Variants in RNF144B observed in about 807,000 individuals in gnomAD.
RNF144B encodes the protein E3 ubiquitin-protein ligase RNF144B.
RNF144B carries 25 observed loss-of-function variants against 40.2 expected under a neutral mutation model. The ratio of observed to expected loss-of-function variants is 0.62; its 90% confidence interval spans 0.45 to 0.87. RNF144B has a LOEUF of 0.87. Ranked by LOEUF, RNF144B falls within the 40% of genes least tolerant of loss-of-function variation. The pLI is 0.00. For missense variants in RNF144B, 365 were observed against 373.7 expected (o/e 0.98, Z 0.19); for synonymous variants, 145 against 136.3 (o/e 1.06, Z -0.44).
intron 1 of RNF144B, chr6:18,396,471 G>C (rs956198662): frequency 3.0e-6 from 3 of 983,784 alleles, no homozygotes; most frequent in African/African-American, 1.7e-5. Flanking sequence ...AGAGTACCTA[G>C]ATCTCTTGCT....
chr6:18,387,667 G>C (rs1286187830), intron 1 of RNF144B, 37 bp downstream of exon 1: 2 of 1,285,834 alleles, frequency 1.6e-6, no homozygotes, highest in Non-Finnish European at 2.0e-6. Context: ...TACAGGCGTT[G>C]CAAGACCGGA....
intron 1 of RNF144B, among the ~76,000 whole-genome samples, chr6:18,394,727 A>C (rs1460765326): frequency 6.6e-6 from 1 of 152,218 alleles, no homozygotes; most frequent in Non-Finnish European, 1.5e-5. Context: ...TCTGTGCTGA[A>C]GTATTCCCTT....
chr6:18,394,452 G>C (rs1794650735), intron 1 of RNF144B, among the ~76,000 whole-genome samples: 1 of 151,980 alleles, frequency 6.6e-6, no homozygotes, highest in Non-Finnish European at 1.5e-5. Context: ...ACAAAAATTA[G>C]CCCGGCGTGG....
chr6:18,461,663 T>A (rs1251491615), intron 6 of RNF144B, among the ~76,000 whole-genome samples: 1 of 152,230 alleles, frequency 6.6e-6, no homozygotes, highest in Non-Finnish European at 1.5e-5. Context: ...CTTCAAATAT[T>A]GAAGCATCTT....
chr6:18,458,896 TTTGGAGCA>T lies in RNF144B; in HGVS notation c.537-708_537-701del, dbSNP rs1428566961. ...TGTTGGCACTCAAAAAGTTTCAGATTTTGGAGCATTTTGGATTTCAAATTGTGGACTAG... is the reference window on the plus strand; with the variant it reads ...TGTTGGCACTCAAAAAGTTTCAGATTTTTTGGATTTCAAATTGTGGACTAG... On this transcript the variant is annotated intron_variant, in intron 5 of 7. Coordinates refer to ENST00000259939, the MANE Select transcript of RNF144B (RefSeq NM_182757.4). This position sits in a 1 kb window ranked among gnomAD's most constrained non-coding sequence, Gnocchi z 4.8. Among the ~76,000 whole-genome samples, 5 of 152,216 alleles carry T rather than the reference TTTGGAGCA, an allele frequency of 3.3e-5. No individual in the cohort carries two copies. The highest frequency in any genetic ancestry group is 7.3e-5 in the Non-Finnish European group (5 of 68,042).
In RNF144B at chr6:18,450,095, T is replaced by C. The variant is rs187239438; in HGVS notation, c.332-7060T>C. On this transcript the variant is annotated intron_variant, in intron 4 of 7. Transcript: ENST00000259939. The surrounding 1 kb of genome is among the most constrained non-coding windows in gnomAD (Gnocchi z 4.7). ...GTTTGACTGTAAGGGATAAGTCAGC[T>C]GTCACTGTTCCAGTTTTGGTTTCTC... is the stretch of plus-strand genomic sequence containing the variant. Among the ~76,000 whole-genome samples the C allele has an allele frequency of 8.7e-3, 1,331 of 152,356 alleles. 8 individuals are homozygous for C. The highest frequency in any genetic ancestry group is 0.014 in the Non-Finnish European group (975 of 68,032).
At position 18,457,222 on chromosome 6, in the gene RNF144B, C is replaced by G; in HGVS notation, c.399C>G (p.Ala133=). 1.2e-6 allele frequency: 2 copies of G among 1,614,070 alleles called. No homozygotes were observed. Among genetic ancestry groups the G allele is most frequent in the Non-Finnish European group, 1.7e-6 (2 of 1,179,972 alleles). ...ACTGTCAGACAGTGTGCCCTGTTGCCTCGAGTGACCCAGGACAGCCTGTGC... is the reference window on the plus strand; with the variant it reads ...ACTGTCAGACAGTGTGCCCTGTTGCGTCGAGTGACCCAGGACAGCCTGTGC... ...VADCQTVCPV[A]SSDPGQPVLV... Residue 133 remains alanine (A), a synonymous_variant, in exon 5 of 8, where the codon GCC becomes GCG. Transcript: ENST00000259939. This position sits in a 1 kb window ranked among gnomAD's most constrained non-coding sequence, Gnocchi z 5.1.
chr6:18,452,822 T>A (rs892957247), intron 4 of RNF144B, among the ~76,000 whole-genome samples: 1 of 152,178 alleles, frequency 6.6e-6, no homozygotes, highest in African/African-American at 2.4e-5. Context: ...TTTCTCTCTG[T>A]TACCTAGGCT....
rs1461311649 is a variant in RNF144B at position 18,464,256 on chromosome 6, A to G, written c.772-671A>G. On this transcript the variant is annotated intron_variant, in intron 7 of 7. Coordinates refer to ENST00000259939, the MANE Select transcript of RNF144B (RefSeq NM_182757.4). This position sits in a 1 kb window ranked among gnomAD's most constrained non-coding sequence, Gnocchi z 6.1. ...AGTCAGTGCTAATATCCTAGTAATC[A>G]TTAACATCCCTTTGAGCTAGTTGAG... 6.6e-6 allele frequency among the ~76,000 whole-genome samples: 1 copy of G among 152,222 alleles called. No individual in the cohort carries two copies. Among genetic ancestry groups the G allele is most frequent in the African/African-American group, 2.4e-5 (1 of 41,468 alleles).
intron 1 of RNF144B, among the ~76,000 whole-genome samples, chr6:18,389,681 T>C (rs558633661): frequency 1.3e-5 from 2 of 152,278 alleles, no homozygotes; most frequent in East Asian, 3.9e-4. Flanking sequence ...CAGATGTTAC[T>C]GAAGGAACAA....
intron 6 of RNF144B, 131 bp from the exon 7 acceptor site, chr6:18,463,160 G>A: frequency 1.6e-6 from 1 of 609,502 alleles, no homozygotes; most frequent in South Asian, 2.0e-5. Context: ...TACAGGCTTG[G>A]AATTCCTAGA....
intron 2 of RNF144B, among the ~76,000 whole-genome samples, chr6:18,421,273 T>TAC (rs1170609706): frequency 0.08 from 8,110 of 101,408 alleles, 213 homozygotes; most frequent in African/African-American, 0.083. Context: ...TTATATATTA[T>TAC]ACACACACAC....
chr6:18,405,967 C>G lies in RNF144B; in HGVS notation c.165+6268C>G, dbSNP rs1794896014. 4 of 501,928 alleles carry G rather than the reference C, an allele frequency of 8.0e-6. No homozygotes were observed. Among genetic ancestry groups the G allele is most frequent in the Admixed American group, 4.0e-5 (2 of 49,940 alleles). The allele number at this position is 501,928 out of a possible 1,614,324, so 31.1% of individuals were successfully genotyped here. On this transcript the variant is annotated intron_variant, in intron 2 of 7. Coordinates refer to ENST00000259939, the MANE Select transcript of RNF144B (RefSeq NM_182757.4). This position sits in a 1 kb window ranked among gnomAD's most constrained non-coding sequence, Gnocchi z 4.5. ...CCTTAGATCTTCTAGTTCCCCCACCCTCCTAATGAAAGAAGTCATTTTCTG... is the reference window on the plus strand; with the variant it reads ...CCTTAGATCTTCTAGTTCCCCCACCGTCCTAATGAAAGAAGTCATTTTCTG...
intron 3 of RNF144B, among the ~76,000 whole-genome samples, chr6:18,438,892 A>G (rs1242927754): frequency 1.3e-5 from 2 of 152,170 alleles, no homozygotes; most frequent in East Asian, 3.9e-4. Context: ...TCTCATATAT[A>G]AATCTTTAAG....
At position 18,467,596 on chromosome 6, in the gene RNF144B, C is replaced by G. The variant is rs1361847038; in HGVS notation, c.*2529C>G. ...CTCTGGTACATCAAGGGGCATGATA[C>G]AAACCAGTCTAAAGACTGTTTATAA... is the stretch of plus-strand genomic sequence containing the variant. On this transcript the variant is annotated 3_prime_UTR_variant, in exon 8 of 8. Transcript: ENST00000259939. The G allele has an allele frequency of 6.6e-6, 1 of 151,642 alleles. No homozygotes were observed. Among genetic ancestry groups the G allele is most frequent in the Non-Finnish European group, 1.5e-5 (1 of 67,934 alleles). The allele number at this position is 151,642 out of a possible 1,614,324, so 9.4% of individuals were successfully genotyped here.
chr6:18,448,706 A>ACG lies in RNF144B; in HGVS notation c.332-8448_332-8447insGC. ...CCAGCATGCACACACACACACACAC[A>ACG]CACACACACACCCCACCCCCAAGAT... On this transcript the variant is annotated intron_variant, in intron 4 of 7. Coordinates refer to ENST00000259939, the MANE Select transcript of RNF144B (RefSeq NM_182757.4). This position sits in a 1 kb window ranked among gnomAD's most constrained non-coding sequence, Gnocchi z 4.0. 6.6e-6 allele frequency among the ~76,000 whole-genome samples: 1 copy of ACG among 151,194 alleles called. No homozygotes were observed. The highest frequency in any genetic ancestry group is 1.5e-5 in the Non-Finnish European group (1 of 67,676).
intron 2 of RNF144B, among the ~76,000 whole-genome samples, chr6:18,407,422 T>C (rs1277947784): frequency 2.0e-5 from 3 of 152,206 alleles, no homozygotes; most frequent in African/African-American, 7.2e-5. Flanking sequence ...CAAGATTATA[T>C]AGAAGATTAC....
rs572044247 is a variant in RNF144B, at chr6:18,387,624, C to G, written c.-43C>G. 7.7e-7 allele frequency: 1 copy of G among 1,306,054 alleles called. No individual in the cohort carries two copies. Among genetic ancestry groups the G allele is most frequent in the African/African-American group, 1.5e-5 (1 of 66,766 alleles). The allele number at this position is 1,306,054 out of a possible 1,614,324, so 80.9% of individuals were successfully genotyped here. A position where few individuals can be genotyped will look rare whatever the true frequency, so the allele number is the denominator to read the frequency against. On this transcript the variant is annotated 5_prime_UTR_variant, in exon 1 of 8. Transcript: ENST00000259939. ...CCGGCGACGGAGGAACGCAGGTCTG[C>G]TGCCAGGTAGGTTTAGCGAGCTTTT...
Position 18,418,059 on chromosome 6 carries a change from G to A in RNF144B, c.166-9522G>A, listed in dbSNP as rs1309401509. ...ATGATATTCGACTTCACATTAAGATGGCTATAATAAAAAAGACAGAAAATA... is the reference window on the plus strand; with the variant it reads ...ATGATATTCGACTTCACATTAAGATAGCTATAATAAAAAAGACAGAAAATA... On this transcript the variant is annotated intron_variant, in intron 2 of 7. Coordinates refer to ENST00000259939, the MANE Select transcript of RNF144B (RefSeq NM_182757.4). The surrounding 1 kb of genome is among the most constrained non-coding windows in gnomAD (Gnocchi z 5.2). 6.6e-6 allele frequency among the ~76,000 whole-genome samples: 1 copy of A among 152,066 alleles called. No homozygotes were observed. The highest frequency in any genetic ancestry group is 6.6e-5 in the Admixed American group (1 of 15,254).
Sources: gnomAD v4.1 joint callset for allele counts (sites outside exome capture counted in the v4.1 genomes callset) on GRCh38, gnomAD v4.1.1 for gene constraint, Gnocchi (gnomAD v3.1) non-coding constraint, MANE v1.5 for transcripts, NCBI Gene and HGNC (gene_info 2026-07-23, HGNC 2026-07-21) for gene names.